Variants in WDR17 observed in about 807,000 individuals in gnomAD.
WDR17 encodes WD repeat-containing protein 17.
WDR17 carries 143 observed loss-of-function variants against 161.7 expected under a neutral mutation model. The observed-to-expected ratio is 0.88, with a 90% CI of 0.77 to 1.02. The LOEUF (loss-of-function observed/expected upper bound fraction) is 1.02, where lower values mean the gene tolerates loss of function less well. Ranked by LOEUF, WDR17 falls within the 50% of genes least tolerant of loss-of-function variation. WDR17 has a pLI of 0.00. For synonymous variants in WDR17, 517 were observed against 515.6 expected, an observed-to-expected ratio of 1.00 and a Z score of -0.04; for missense variants, 1,469 against 1,520.9, an observed-to-expected ratio of 0.97 and a Z score of 0.57.
At chr4:176,174,495 C>G in intron 25 of WDR17, 122 bp from the exon 26 acceptor site, 2 of 602,924 alleles carry the variant, frequency 3.3e-6, no homozygotes, top group Admixed American at 3.8e-5. Flanking sequence ...AGAAAATTTT[C>G]TAAACATATA....
chr4:176,083,791 C>G (rs1477157000), intron 1 of WDR17, among the ~76,000 whole-genome samples: 1 of 152,048 alleles, frequency 6.6e-6, no homozygotes, highest in Admixed American at 6.6e-5. Context: ...TTTACGTTCC[C>G]CTGAGCAGTA....
chr4:176,105,579 G>A (rs192334334), intron 1 of WDR17, among the ~76,000 whole-genome samples: 4 of 152,142 alleles, frequency 2.6e-5, no homozygotes, highest in African/African-American at 7.2e-5. Flanking sequence ...TGAAAAATTC[G>A]CAAATTTGTG....
At chr4:176,098,649 A>C (rs1055109229) in intron 1 of WDR17, among the ~76,000 whole-genome samples, 3 of 152,018 alleles carry the variant, frequency 2.0e-5, no homozygotes, top group Non-Finnish European at 4.4e-5. Context: ...AGACTGAATA[A>C]TTATTACATA....
chr4:176,126,816 TAATG>T (rs1313494766), intron 5 of WDR17, among the ~76,000 whole-genome samples: 1 of 152,186 alleles, frequency 6.6e-6, no homozygotes, highest in Non-Finnish European at 1.5e-5. Flanking sequence ...GTTCTCATGA[TAATG>T]AGTGAGATCT....
At chr4:176,102,999 G>A (rs576465704) in intron 1 of WDR17, among the ~76,000 whole-genome samples, 103 of 152,296 alleles carry the variant, frequency 6.8e-4, no homozygotes, top group Middle Eastern at 3.4e-3. Context: ...TCTGATCACA[G>A]AAGTGCAGAC....
chr4:176,178,703 C>A (rs1381502796), intron 28 of WDR17, among the ~76,000 whole-genome samples: 2 of 152,202 alleles, frequency 1.3e-5, no homozygotes, highest in Admixed American at 1.3e-4. Context: ...TTTACATACT[C>A]CTATGATGAG....
intron 1 of WDR17, among the ~76,000 whole-genome samples, chr4:176,088,401 A>G (rs886509587): frequency 2.0e-5 from 3 of 152,160 alleles, no homozygotes; most frequent in Non-Finnish European, 4.4e-5. Context: ...TCTGGGCAAC[A>G]TAGTGAGACC....
At chr4:176,133,591 C>G (rs2126765708) in intron 7 of WDR17, among the ~76,000 whole-genome samples, 1 of 151,420 alleles carries the variant, frequency 6.6e-6, no homozygotes, top group South Asian at 2.1e-4. Context: ...AAATGTCTGC[C>G]AGTCAGAGGG....
At chr4:176,161,589 ACACTC>A (rs1049142112) in intron 20 of WDR17, among the ~76,000 whole-genome samples, 2 of 152,130 alleles carry the variant, frequency 1.3e-5, no homozygotes, top group Non-Finnish European at 2.9e-5. Flanking sequence ...AACTTTTAAG[ACACTC>A]ATCAAGTAGA....
In WDR17 at chr4:176,173,282, C is replaced by CAGACTG; in HGVS notation, c.3261_3266dup (p.Asp1088_Trp1089insTer). The CAGACTG allele has an allele frequency of 6.2e-7, 1 of 1,609,508 alleles. No individual in the cohort carries two copies. On this transcript the variant is annotated stop_gained and inframe_insertion, in exon 25 of 29. Transcript: ENST00000508596. LOFTEE classifies it high-confidence loss of function. Reference sequence around the variant, plus strand: ...ATTTTTCCAGAATACATCAGTAGCTCAGACTGGACTTTGGATACCATATAC... The same window carrying CAGACTG: ...ATTTTTCCAGAATACATCAGTAGCTCAGACTGAGACTGGACTTTGGATACCATATAC...
At chr4:176,128,628 G>C (rs907502344) in intron 5 of WDR17, 110 bp from the exon 6 acceptor site, 1 of 1,053,996 alleles carries the variant, frequency 9.5e-7, no homozygotes, top group Non-Finnish European at 1.4e-6. Flanking sequence ...AAGGATGTCA[G>C]TAATTAGTCC....
intron 16 of WDR17, among the ~76,000 whole-genome samples, chr4:176,151,455 T>C (rs2126817768): frequency 6.6e-6 from 1 of 152,302 alleles, no homozygotes; most frequent in East Asian, 1.9e-4. Context: ...GAGAAAAATA[T>C]TTTTAAATAT....
At chr4:176,110,043 A>G (rs182675515) in intron 1 of WDR17, among the ~76,000 whole-genome samples, 77 of 152,348 alleles carry the variant, frequency 5.1e-4, no homozygotes, top group African/African-American at 1.7e-3. Flanking sequence ...TATGAAATTG[A>G]CAATAGTGAA....
chr4:176,114,982 A>G (rs2126705096), intron 2 of WDR17, among the ~76,000 whole-genome samples: 1 of 152,082 alleles, frequency 6.6e-6, no homozygotes, highest in South Asian at 2.1e-4. Context: ...TACTTTGGCA[A>G]GATAGCAGAG....
At chr4:176,157,166 A>G (rs1748278836) in intron 18 of WDR17, among the ~76,000 whole-genome samples, 3 of 152,114 alleles carry the variant, frequency 2.0e-5, no homozygotes, top group South Asian at 2.1e-4. Context: ...ACTCTCTTCT[A>G]TGCTATTCAT....
At chr4:176,070,876 C>T (rs1733145565) in intron 1 of WDR17, among the ~76,000 whole-genome samples, 1 of 152,054 alleles carries the variant, frequency 6.6e-6, no homozygotes, top group Admixed American at 6.6e-5. Flanking sequence ...ATTTGATTTT[C>T]TTTGCTGGTT....
At chr4:176,155,861 C>T (rs1282520558) in intron 17 of WDR17, among the ~76,000 whole-genome samples, 1 of 151,692 alleles carries the variant, frequency 6.6e-6, no homozygotes, top group Non-Finnish European at 1.5e-5. Flanking sequence ...CCATGCCCAG[C>T]TTCTTTTATA....
chr4:176,116,317 G>C (rs1045680922), intron 3 of WDR17, among the ~76,000 whole-genome samples: 1 of 151,816 alleles, frequency 6.6e-6, no homozygotes, highest in Non-Finnish European at 1.5e-5. Context: ...AGCCTTGGCT[G>C]TTCATTACTC....
intron 1 of WDR17, among the ~76,000 whole-genome samples, chr4:176,078,152 G>T (rs1734284766): frequency 6.6e-6 from 1 of 151,844 alleles, no homozygotes; most frequent in Admixed American, 6.6e-5. Context: ...CCATTATATG[G>T]ATACATTTTT....
Sources: gnomAD v4.1 joint callset for allele counts (sites outside exome capture counted in the v4.1 genomes callset) on GRCh38, gnomAD v4.1.1 for gene constraint, MANE v1.5 for transcripts, NCBI Gene and HGNC (gene_info 2026-07-23, HGNC 2026-07-21) for gene names.